FRMD4B: variants seen among roughly 807,000 people sequenced by gnomAD.
FRMD4B encodes the protein FERM domain containing 4B.
In FRMD4B, 74 loss-of-function variants were observed where a neutral mutation model predicts 141.5. The observed-to-expected ratio is 0.52, with a 90% CI of 0.43 to 0.63. The LOEUF (loss-of-function observed/expected upper bound fraction) is 0.63, where lower values mean the gene tolerates loss of function less well. FRMD4B is among the 30% of genes least tolerant of loss of function. FRMD4B has a pLI of 0.00. For synonymous variants in FRMD4B, 506 were observed against 467.9 expected (o/e 1.08, Z -1.05); for missense variants, 1,366 against 1,253.4 (o/e 1.09, Z -1.36).
At chr3:69,275,673 C>T (rs2093614807) in intron 5 of FRMD4B, among the ~76,000 whole-genome samples, 1 of 151,960 alleles carries the variant, frequency 6.6e-6, no homozygotes, top group African/African-American at 2.4e-5. Context: ...TCAAGTGATC[C>T]ACCTGTCTCA....
At chr3:69,343,110 CAT>C (rs201310801) in intron 1 of FRMD4B, among the ~76,000 whole-genome samples, 69,182 of 151,640 alleles carry the variant, frequency 0.46, 16,148 homozygotes, top group Admixed American at 0.51. Flanking sequence ...CACACCACCA[CAT>C]CTGCCTAATT....
In FRMD4B at chr3:69,193,833, T is replaced by A. The variant is rs894108788; in HGVS notation, c.1529A>T (p.Gln510Leu). 1.2e-6 allele frequency: 2 copies of A among 1,613,392 alleles called. No individual in the cohort carries two copies. Among genetic ancestry groups the A allele is most frequent in the African/African-American group, 2.7e-5 (2 of 74,936 alleles). ...CTTTGCAGCTTCCACCAGCTTTTGT[T>A]GTATTAGAAAATTACTCTCCAGTTC... ...LQELESNFLIQQKLVEAAKKL... is the reference protein window; with the variant it reads ...LQELESNFLILQKLVEAAKKL... The change falls in exon 17 of 23, where the codon CAA (glutamine) becomes CTA (leucine). Residue 510 changes from glutamine to leucine, a missense_variant. Transcript: ENST00000398540.
At chr3:69,525,500 C>A (rs1700918161) in intron 1 of FRMD4B, among the ~76,000 whole-genome samples, 2 of 152,200 alleles carry the variant, frequency 1.3e-5, no homozygotes, top group South Asian at 4.1e-4. Context: ...TCATAATCAA[C>A]ACATGCAGAT....
At chr3:69,224,899 CAT>C (rs10574445) in intron 7 of FRMD4B, among the ~76,000 whole-genome samples, 99,512 of 151,882 alleles carry the variant, frequency 0.66, 34,246 homozygotes, top group South Asian at 0.76. Context: ...ATTTTCTGCA[CAT>C]GTCTATTTTA....
intron 2 of FRMD4B, among the ~76,000 whole-genome samples, chr3:69,417,492 G>A (rs950469882): frequency 6.6e-6 from 1 of 152,122 alleles, no homozygotes; most frequent in African/African-American, 2.4e-5. Flanking sequence ...CCATTCTGTA[G>A]GTTGCCTGTT....
At chr3:69,472,287 G>T in intron 1 of FRMD4B, 1 of 408,980 alleles carries the variant, frequency 2.4e-6, no homozygotes, top group Non-Finnish European at 4.8e-6. Flanking sequence ...TATGTCTGAT[G>T]ACATTCTCTG....
At chr3:69,282,255 G>A (rs1259712903) in intron 5 of FRMD4B, among the ~76,000 whole-genome samples, 3 of 152,272 alleles carry the variant, frequency 2.0e-5, no homozygotes, top group Admixed American at 6.5e-5. Context: ...AGCTGTAGGC[G>A]AAAGCTGTCT....
chr3:69,266,343 G>A (rs1014364595), intron 5 of FRMD4B, among the ~76,000 whole-genome samples: 2 of 152,132 alleles, frequency 1.3e-5, no homozygotes, highest in Non-Finnish European at 2.9e-5. Flanking sequence ...TTGTGTGTGC[G>A]TGTGAGATGG....
intron 3 of FRMD4B, among the ~76,000 whole-genome samples, chr3:69,306,052 T>G (rs191477428): frequency 6.6e-6 from 1 of 152,308 alleles, no homozygotes; most frequent in East Asian, 1.9e-4. Context: ...ATGCATATAT[T>G]ATAAGAAATA....
chr3:69,250,290 C>A, intron 5 of FRMD4B, 191 bp from the exon 6 acceptor site: 1 of 417,770 alleles, frequency 2.4e-6, no homozygotes. Context: ...ACTGTGTGTG[C>A]GTGTGTGTGT....
At chr3:69,298,168 A>G (rs1326114559) in intron 4 of FRMD4B, among the ~76,000 whole-genome samples, 3 of 152,244 alleles carry the variant, frequency 2.0e-5, no homozygotes, top group African/African-American at 7.2e-5. Flanking sequence ...GCTACATTTC[A>G]GTAGAGAGAA....
intron 21 of FRMD4B, 104 bp from the exon 22 acceptor site, chr3:69,176,760 A>G (rs9868107): frequency 0.99 from 715,341 of 723,656 alleles, 353,821 homozygotes; most frequent in Non-Finnish European, 1. Flanking sequence ...TCAGAGGAGA[A>G]ATTTAAGAGG....
At chr3:69,495,153 A>T (rs1444523799) in intron 1 of FRMD4B, among the ~76,000 whole-genome samples, 1 of 152,172 alleles carries the variant, frequency 6.6e-6, no homozygotes, top group African/African-American at 2.4e-5. Flanking sequence ...AAGTTCCCTA[A>T]TAAACTACAA....
chr3:69,300,759 G>A (rs992124463), intron 4 of FRMD4B, among the ~76,000 whole-genome samples: 8 of 152,000 alleles, frequency 5.3e-5, no homozygotes, highest in Admixed American at 2.0e-4. Context: ...GTTTTTTGGC[G>A]ATGGAGTCTC....
intron 1 of FRMD4B, among the ~76,000 whole-genome samples, chr3:69,469,021 A>G (rs1705840411): frequency 6.6e-6 from 1 of 152,148 alleles, no homozygotes; most frequent in African/African-American, 2.4e-5. Flanking sequence ...CTTCAACCAG[A>G]GATAAATTGA....
chr3:69,169,965 A>T lies in FRMD4B; in HGVS notation c.*1896T>A, dbSNP rs1347544565. On this transcript the variant is annotated 3_prime_UTR_variant, in exon 23 of 23. Transcript: ENST00000398540. ...AAAAACCTAAAAGTTCTCACCAGTC[A>T]TCCTCAGTGAGACAAACTACCGCAT... The T allele has an allele frequency of 6.6e-6, 1 of 152,198 alleles. No homozygotes were observed. The highest frequency in any genetic ancestry group is 6.5e-5 in the Admixed American group (1 of 15,270). 9.4% of individuals were successfully genotyped at this position (152,198 alleles called of 1,614,324 possible). A position where few individuals can be genotyped will look rare whatever the true frequency, so the allele number is the denominator to read the frequency against.
chr3:69,424,167 G>A (rs148676286), intron 2 of FRMD4B, among the ~76,000 whole-genome samples: 23 of 152,318 alleles, frequency 1.5e-4, no homozygotes, highest in Non-Finnish European at 2.5e-4. Flanking sequence ...ACTGGCTGAT[G>A]AGAATGTTGT....
chr3:69,275,426 T>TTC (rs200522020), intron 5 of FRMD4B, among the ~76,000 whole-genome samples: 9,041 of 140,390 alleles, frequency 0.064, 365 homozygotes, highest in Non-Finnish European at 0.072. Context: ...AATGTTTTTA[T>TTC]TCTCTCTCTC....
intron 1 of FRMD4B, among the ~76,000 whole-genome samples, chr3:69,534,593 C>A (rs1178059119): frequency 6.6e-6 from 1 of 152,188 alleles, no homozygotes; most frequent in African/African-American, 2.4e-5. Flanking sequence ...TTGTGGGAGG[C>A]TGAAAACCTG....
Sources: gnomAD v4.1 joint callset for allele counts (sites outside exome capture counted in the v4.1 genomes callset) on GRCh38, gnomAD v4.1.1 for gene constraint, MANE v1.5 for transcripts, NCBI Gene and HGNC (gene_info 2026-07-23, HGNC 2026-07-21) for gene names.